Variants in FBXW8 observed in about 807,000 individuals in gnomAD.
FBXW8 encodes the protein F-box and WD repeat domain containing 8.
Under a neutral mutation model 65.3 loss-of-function variants are expected in FBXW8, and 57 were observed. That is an observed-to-expected ratio of 0.87 (90% CI 0.71 to 1.09). FBXW8 has a LOEUF of 1.09. Among genes scored for constraint, FBXW8 ranks in the 50% least tolerant of loss-of-function variants. FBXW8 has a pLI of 0.00. For synonymous variants in FBXW8, 308 were observed against 330.2 expected (o/e 0.93, Z 0.73); for missense variants, 777 against 814.8 (o/e 0.95, Z 0.57).
At chr12:116,992,530 C>A (rs1953268513) in intron 7 of FBXW8, among the ~76,000 whole-genome samples, 1 of 151,706 alleles carries the variant, frequency 6.6e-6, no homozygotes, top group Non-Finnish European at 1.5e-5. Context: ...TTTAGTGTAC[C>A]TGTCACCCAA....
At chr12:116,958,648 AGCACGGTGCCATAACATGCTAGGGAGAG>A (rs1223608684) in intron 4 of FBXW8, among the ~76,000 whole-genome samples, 1 of 152,136 alleles carries the variant, frequency 6.6e-6, no homozygotes, top group African/African-American at 2.4e-5. Context: ...GTTGGGGAGG[AGCACGGTGCCATAACATGCTAGGGAGAG>A]GCACCTCATA....
At chr12:116,970,716 T>G (rs1884600890) in intron 5 of FBXW8, among the ~76,000 whole-genome samples, 1 of 152,216 alleles carries the variant, frequency 6.6e-6, no homozygotes, top group South Asian at 2.1e-4. Flanking sequence ...ACTACCCCCC[T>G]GCCCCCAACA....
rs1954261227 is a variant in FBXW8 at position 117,027,494 on chromosome 12, A to G, written c.1642A>G (p.Thr548Ala). 3 of 1,613,750 alleles carry G rather than the reference A, an allele frequency of 1.9e-6. No homozygotes were observed. The highest frequency in any genetic ancestry group is 2.5e-6 in the Non-Finnish European group (3 of 1,179,846). ...MRNADLDSFT[T>A]HRRHRGLIRA... ...AAACGCCGACCTGGACAGCTTCACT[A>G]CTCACAGGAGGTTAGTGGTGGGGCC... The change falls in exon 10 of 11, where the codon ACT (threonine) becomes GCT (alanine). Residue 548 changes from threonine (T) to alanine (A), a missense_variant. By Grantham distance (58) the Thr-to-Ala change is moderately conservative. Transcript: ENST00000652555.
chr12:116,920,140 G>C (rs1880770409), intron 1 of FBXW8, among the ~76,000 whole-genome samples: 1 of 152,094 alleles, frequency 6.6e-6, no homozygotes, highest in Non-Finnish European at 1.5e-5. Flanking sequence ...GATTTCTCCA[G>C]CCCAAATTTC....
chr12:117,008,650 A>AGGT (rs1953732590), intron 7 of FBXW8, among the ~76,000 whole-genome samples: 1 of 152,244 alleles, frequency 6.6e-6, no homozygotes, highest in South Asian at 2.1e-4. Context: ...ATTATTTTCA[A>AGGT]GGTAGAGAAT....
intron 2 of FBXW8, among the ~76,000 whole-genome samples, chr12:116,941,074 C>G (rs1882532898): frequency 6.6e-6 from 1 of 152,190 alleles, no homozygotes; most frequent in South Asian, 2.1e-4. Context: ...AGGGCAAAAT[C>G]AGGGCCATAG....
At chr12:117,011,017 C>T (rs115513508) in intron 8 of FBXW8, among the ~76,000 whole-genome samples, 137 of 152,294 alleles carry the variant, frequency 9.0e-4, no homozygotes, top group African/African-American at 2.9e-3. Context: ...GTGCCAGCCC[C>T]GGGCGCCCCA....
In FBXW8 at chr12:117,019,937, C is replaced by CTTTT. The variant is rs574093202; in HGVS notation, c.1368-4209_1368-4208insTTTT. 1.6e-3 allele frequency among the ~76,000 whole-genome samples: 244 copies of CTTTT among 152,256 alleles called. 2 individuals carry two copies. Among genetic ancestry groups the CTTTT allele is most frequent in the Non-Finnish European group, 3.1e-3 (213 of 68,012 alleles). On this transcript the variant is annotated intron_variant, in intron 8 of 10. Transcript: ENST00000652555. The stretch of plus-strand genomic sequence containing the variant: ...GGAAGTACGCACATTCAAAATGGGC[C>CTTTT]TCAAAAGCAGAGTAGCCTAGAGGGC...
chr12:116,911,552 C>T (rs1452081210), intron 1 of FBXW8, among the ~76,000 whole-genome samples, 197 bp downstream of exon 1: 2 of 152,142 alleles, frequency 1.3e-5, no homozygotes, highest in Non-Finnish European at 2.9e-5. Context: ...ATTTTGTTCC[C>T]CCAGATGTGG....
intron 7 of FBXW8, among the ~76,000 whole-genome samples, chr12:116,994,581 C>T (rs1329849410): frequency 6.6e-6 from 1 of 152,194 alleles, no homozygotes; most frequent in Non-Finnish European, 1.5e-5. Flanking sequence ...AATCAAATTA[C>T]CATATGTGGT....
intron 8 of FBXW8, among the ~76,000 whole-genome samples, chr12:117,018,097 C>T (rs1348866381): frequency 1.3e-5 from 2 of 152,156 alleles, no homozygotes; most frequent in Admixed American, 6.6e-5. Flanking sequence ...CGTTTTCCTG[C>T]CCATCAGATG....
chr12:116,943,350 A>G (rs1433999890), intron 2 of FBXW8, among the ~76,000 whole-genome samples: 1 of 152,142 alleles, frequency 6.6e-6, no homozygotes, highest in Non-Finnish European at 1.5e-5. Flanking sequence ...CCCTCTTCAG[A>G]ATTTGCTGTT....
Position 116,985,224 on chromosome 12 carries a change from A to G in FBXW8, c.854A>G (p.Asp285Gly), listed in dbSNP as rs1885585837. 4.4e-6 allele frequency: 7 copies of G among 1,604,610 alleles called. No homozygotes were observed. The highest frequency in any genetic ancestry group is 5.9e-6 in the Non-Finnish European group (7 of 1,177,148). The change falls in exon 6 of 11, where the codon GAT becomes GGT. Residue 285 changes from aspartate (D) to glycine (G), a missense_variant. Transcript: ENST00000652555. The part of the protein sequence containing the change: ...AYEDGFLNIW[D>G]LRTGKYPVHR... ...TGCATAGGGTTTCTTAATATTTGGG[A>G]TTTAAGGACCGGAAAGTACCCTGTT...
At chr12:116,956,697 G>A (rs1883669454) in intron 4 of FBXW8, among the ~76,000 whole-genome samples, 1 of 152,222 alleles carries the variant, frequency 6.6e-6, no homozygotes, top group African/African-American at 2.4e-5. Flanking sequence ...GGCAGGCACA[G>A]TGGCTCATGC....
rs1395715428 is a variant in FBXW8, at chr12:116,929,102, G to A, written c.423+975G>A. Among the ~76,000 whole-genome samples, 7 of 152,256 alleles carry A rather than the reference G, an allele frequency of 4.6e-5. No individual in the cohort carries two copies. The East Asian group carries it at 7.7e-4, about 17-fold the overall frequency. On this transcript the variant is annotated intron_variant, in intron 2 of 10. Transcript: ENST00000652555. ...ATTACAGGCATGAGCCACCGCGCCC[G>A]GCCCCATTGATGGTCTGCTTTCTAA... is the stretch of plus-strand genomic sequence containing the variant.
intron 8 of FBXW8, among the ~76,000 whole-genome samples, chr12:117,017,457 G>T (rs748263044): frequency 6.6e-6 from 1 of 152,126 alleles, no homozygotes; most frequent in Non-Finnish European, 1.5e-5. Flanking sequence ...CATTAAACTG[G>T]CAGTTCTACC....
intron 7 of FBXW8, among the ~76,000 whole-genome samples, chr12:117,007,862 A>C (rs1953716695): frequency 2.0e-5 from 3 of 152,288 alleles, no homozygotes; most frequent in South Asian, 4.2e-4. Context: ...AAGGTCGTTA[A>C]GGGACTCGTA....
At position 117,028,645 on chromosome 12, in the gene FBXW8, G is replaced by C. The variant is rs542217144; in HGVS notation, c.*473G>C. On this transcript the variant is annotated 3_prime_UTR_variant, in exon 11 of 11. Transcript: ENST00000652555. The surrounding 1 kb of genome is among the most constrained non-coding windows in gnomAD (Gnocchi z 4.1). ...CATGTCCTTTTCCCTGTATTTACTT[G>C]GGGTGCTCTTCTGTGACACTTGCCA... 1.3e-5 allele frequency: 2 copies of C among 159,258 alleles called. No homozygotes were observed. Among genetic ancestry groups the C allele is most frequent in the East Asian group, 3.6e-4 (2 of 5,628 alleles). 9.9% of individuals were successfully genotyped at this position (159,258 alleles called of 1,614,324 possible).
In FBXW8 at chr12:116,973,519, G is replaced by A. The variant is rs190458893; in HGVS notation, c.835+8665G>A. Among the ~76,000 whole-genome samples the A allele has an allele frequency of 5.3e-5, 8 of 152,294 alleles. No homozygotes were observed. In the East Asian group the frequency reaches 9.6e-4, roughly 18 times the overall value. On this transcript the variant is annotated intron_variant, in intron 5 of 10. Transcript: ENST00000652555. ...ATTGATAACCTGTGCCATGTGACAC[G>A]ATGCAGTGAGAAAAAACACAGAATC...
Sources: allele counts gnomAD v4.1 joint callset (sites outside exome capture counted in the v4.1 genomes callset), GRCh38; gene constraint gnomAD v4.1.1; non-coding constraint Gnocchi (gnomAD v3.1); transcripts MANE v1.5; gene names NCBI Gene and HGNC (gene_info 2026-07-23, HGNC 2026-07-21).